The following HNRNPCL1 variants were observed in gnomAD, a reference collection of about 807,000 sequenced individuals.
HNRNPCL1 encodes the protein heterogeneous nuclear ribonucleoprotein C-like 1.
In HNRNPCL1, 15 loss-of-function variants were observed where a neutral mutation model predicts 19.0. The ratio of observed to expected loss-of-function variants is 0.79; its 90% CI spans 0.53 to 1.22. HNRNPCL1 has a LOEUF of 1.22. HNRNPCL1 is among the 50% of genes most tolerant of loss of function. HNRNPCL1 has a pLI of 0.00. For synonymous variants in HNRNPCL1, 110 were observed against 129.1 expected (o/e 0.85, Z 1.00); for missense variants, 327 against 354.7 (o/e 0.92, Z 0.63).
Position 12,847,430 on chromosome 1 carries a change from G to T in HNRNPCL1, c.860C>A (p.Thr287Asn), listed in dbSNP as rs1557621832. The T allele has an allele frequency of 6.2e-7, 1 of 1,606,686 alleles. No homozygotes were observed. Residue 287 changes from threonine to asparagine, a missense_variant, in exon 2 of 2, where the codon ACC becomes AAC. Thr to Asn is a moderately conservative substitution (Grantham distance 65). This residue lies in a region of HNRNPCL1 where 281 missense variants were observed against 254.7 expected (regional missense o/e 1.10). Transcript: ENST00000317869. ...TGCTTAAGAGTCATCCTGGCCATTG[G>T]TGCTGTCTCTGTCATCCTCTCCTTC... is the stretch of plus-strand genomic sequence containing the variant. Reference protein sequence around the residue: ...AEEGEDDRDSTNGQDDS With the variant: ...AEEGEDDRDSNNGQDDS
Position 12,847,556 on chromosome 1 carries a change from T to C in HNRNPCL1, c.734A>G (p.Glu245Gly). 1 of 1,606,680 alleles carries C rather than the reference T, an allele frequency of 6.2e-7. No individual in the cohort carries two copies. Among genetic ancestry groups the C allele is most frequent in the Non-Finnish European group, 8.5e-7 (1 of 1,176,696 alleles). The change falls in exon 2 of 2, where the codon GAA becomes GGA. Residue 245 changes from glutamate to glycine, a missense_variant. Coordinates refer to ENST00000317869, the MANE Select transcript of HNRNPCL1 (RefSeq NM_001013631.3). ...TGGGTCCCCCTCCTCAGCAGAGTCT[T>C]CTGCACCCCCCTCAGACTCCATCTT... ...HVKMESEGGA[E>G]DSAEEGDPLD...
At position 12,848,015 on chromosome 1, in the gene HNRNPCL1, C is replaced by G. The variant is rs540095399; in HGVS notation, c.275G>C (p.Arg92Pro). The change falls in exon 2 of 2, where the codon CGA (arginine) becomes CCA (proline). Residue 92 changes from arginine to proline, a missense_variant. By Grantham distance (103) the Arg-to-Pro change is moderately radical. Around this residue, in one of 2 missense-constraint regions of HNRNPCL1, gnomAD observed 281 missense variants for 254.7 expected, o/e 1.10. Transcript: ENST00000317869. ...TGATCGTTTCACACCTGCGTTTCCT[C>G]GGTTCACTTTTGGCTCCGCAGCCAG... is the stretch of plus-strand genomic sequence containing the variant. ...INLAAEPKVNRGNAGVKRSAA... is the reference protein window; with the variant it reads ...INLAAEPKVNPGNAGVKRSAA... 12 of 1,607,470 alleles carry G rather than the reference C, an allele frequency of 7.5e-6. No individual in the cohort carries two copies. The South Asian group carries it at 1.1e-4, about 15-fold the overall frequency.
In HNRNPCL1 at chr1:12,848,017, G is replaced by A. The variant is rs749478533; in HGVS notation, c.273C>T (p.Asn91=). 1 of 1,607,324 alleles carries A rather than the reference G, an allele frequency of 6.2e-7. No individual in the cohort carries two copies. The highest frequency in any genetic ancestry group is 8.5e-7 in the Non-Finnish European group (1 of 1,176,896). The change falls in exon 2 of 2, where the codon AAC becomes AAT. Residue 91 remains asparagine, a synonymous_variant. Coordinates refer to ENST00000317869, the MANE Select transcript of HNRNPCL1 (RefSeq NM_001013631.3). ...ATCGTTTCACACCTGCGTTTCCTCG[G>A]TTCACTTTTGGCTCCGCAGCCAGGT... The part of the protein sequence containing the change: ...DINLAAEPKV[N]RGNAGVKRSA...
chr1:12,848,365 C>CGAG lies in HNRNPCL1; in HGVS notation c.-77_-76insCTC. The CGAG allele has an allele frequency of 6.9e-7, 1 of 1,452,906 alleles. No homozygotes were observed. The highest frequency in any genetic ancestry group is 9.1e-7 in the Non-Finnish European group (1 of 1,094,672). 90.0% of individuals were successfully genotyped at this position (1,452,906 alleles called of 1,614,324 possible). A position where few individuals can be genotyped will look rare whatever the true frequency, so the allele number is the denominator to read the frequency against. ...GAGAAGAGATTCGATTCTAAGTCTC[C>CGAG]TACTGCCGGGTTCTACGGGGAGAAA... On this transcript the variant is annotated 5_prime_UTR_variant, in exon 2 of 2. Coordinates refer to ENST00000317869, the MANE Select transcript of HNRNPCL1 (RefSeq NM_001013631.3).
At position 12,847,473 on chromosome 1, in the gene HNRNPCL1, C is replaced by T. The variant is rs2359491; in HGVS notation, c.817G>A (p.Asp273Asn). 5.7e-4 allele frequency: 922 copies of T among 1,606,784 alleles called. 46 individuals are homozygous for T. The South Asian group carries it at 9.4e-3, about 16-fold the overall frequency. The stretch of plus-strand genomic sequence containing the variant: ...TCTCCTTCCTCAGCCTCTTTTTCAT[C>T]ATCCTTGATCAACTCCAGCTGGTCA... ...GDDQLELIKD[D>N]EKEAEEGEDD... Residue 273 changes from aspartate to asparagine, a missense_variant, in exon 2 of 2, where the codon GAT becomes AAT. Asp to Asn is a conservative substitution (Grantham distance 23). Around this residue, in one of 2 missense-constraint regions of HNRNPCL1, gnomAD observed 281 missense variants for 254.7 expected, o/e 1.10. Coordinates refer to ENST00000317869, the MANE Select transcript of HNRNPCL1 (RefSeq NM_001013631.3).
Position 12,847,841 on chromosome 1 carries a change from C to A in HNRNPCL1, c.449G>T (p.Gly150Val). The part of the protein sequence containing the change: ...VVPSKRQRLS[G>V]NTSRRGKSGF... ...ACTTTTGCCCCTTCGTGAGGTGTTT[C>A]CTGATAGACGTTGACGTTTCGAGGG... Residue 150 changes from glycine to valine, a missense_variant, in exon 2 of 2, where the codon GGA becomes GTA. By Grantham distance (109) the Gly-to-Val change is moderately radical (BLOSUM62 -3). This residue lies in a region of HNRNPCL1 where 281 missense variants were observed against 254.7 expected (regional missense o/e 1.10). Transcript: ENST00000317869. The A allele has an allele frequency of 6.2e-7, 1 of 1,606,620 alleles. No homozygotes were observed. The highest frequency in any genetic ancestry group is 8.5e-7 in the Non-Finnish European group (1 of 1,176,564).
At position 12,848,233 on chromosome 1, in the gene HNRNPCL1, G is replaced by A. The variant is rs551899953; in HGVS notation, c.57C>T (p.Phe19=). 14 of 1,546,066 alleles carry A rather than the reference G, an allele frequency of 9.1e-6. No individual in the cohort carries two copies. The East Asian group carries it at 3.2e-4, about 36-fold the overall frequency. The change falls in exon 2 of 2, where the codon TTC becomes TTT. Residue 19 remains phenylalanine (F), a synonymous_variant. Transcript: ENST00000317869. ...MDPHSMNSRV[F]IGNLNTLVVK... ...CAACAAGAGTGTTGAGATTCCCAAT[G>A]AACACACGGGAGTTCATGGAGTGAG...
rs533112131 is a variant in HNRNPCL1, at chr1:12,847,475, T to C, written c.815A>G (p.Asp272Gly). The stretch of plus-strand genomic sequence containing the variant: ...TCCTTCCTCAGCCTCTTTTTCATCA[T>C]CCTTGATCAACTCCAGCTGGTCATC... Reference protein sequence around the residue: ...QGDDQLELIKDDEKEAEEGED... With the variant: ...QGDDQLELIKGDEKEAEEGED... Residue 272 changes from aspartate to glycine, a missense_variant, in exon 2 of 2, where the codon GAT (aspartate) becomes GGT (glycine). Transcript: ENST00000317869. The C allele has an allele frequency of 1.1e-5, 18 of 1,606,718 alleles. 1 individual carries two copies. Among genetic ancestry groups the C allele is most frequent in the African/African-American group, 1.3e-5 (1 of 74,228 alleles).
chr1:12,847,862 G>T lies in HNRNPCL1; in HGVS notation c.428C>A (p.Ser143Ter), dbSNP rs189811978. 1.2e-6 allele frequency: 2 copies of T among 1,606,394 alleles called. No individual in the cohort carries two copies. The highest frequency in any genetic ancestry group is 2.7e-5 in the African/African-American group (2 of 74,294). The change falls in exon 2 of 2, where the codon TCG becomes TAG. Residue 143 changes from serine (S) to a stop codon, truncating the protein, a stop_gained. Transcript: ENST00000317869. LOFTEE classifies it high-confidence loss of function. Reference sequence around the variant, plus strand: ...GTTTCCTGATAGACGTTGACGTTTCGAGGGCACTACAGCCAGAGCAATGGG... The same window carrying T: ...GTTTCCTGATAGACGTTGACGTTTCTAGGGCACTACAGCCAGAGCAATGGG... ...PPPIALAVVP[S>*]KRQRLSGNTS...
In HNRNPCL1 at chr1:12,847,440, T is replaced by C; in HGVS notation, c.850A>G (p.Arg284Gly). The change falls in exon 2 of 2, where the codon AGA (arginine) becomes GGA (glycine). Residue 284 changes from arginine (R) to glycine (G), a missense_variant. Physicochemically the swap from Arg to Gly is moderately radical, Grantham distance 125. This residue lies in a region of HNRNPCL1 where 281 missense variants were observed against 254.7 expected (regional missense o/e 1.10). Coordinates refer to ENST00000317869, the MANE Select transcript of HNRNPCL1 (RefSeq NM_001013631.3). ...TCATCCTGGCCATTGGTGCTGTCTC[T>C]GTCATCCTCTCCTTCCTCAGCCTCT... The part of the protein sequence containing the change: ...EKEAEEGEDD[R>G]DSTNGQDDS 1 of 1,606,910 alleles carries C rather than the reference T, an allele frequency of 6.2e-7. No homozygotes were observed. The highest frequency in any genetic ancestry group is 1.1e-5 in the South Asian group (1 of 90,482).
In HNRNPCL1 at chr1:12,847,866, G is replaced by A. The variant is rs201144572; in HGVS notation, c.424C>T (p.Pro142Ser). ...PPPPIALAVV[P>S]SKRQRLSGNT... ...CCTGATAGACGTTGACGTTTCGAGG[G>A]CACTACAGCCAGAGCAATGGGAGGA... The change falls in exon 2 of 2, where the codon CCC (proline) becomes TCC (serine). Residue 142 changes from proline (P) to serine (S), a missense_variant. Pro to Ser is a moderately conservative substitution (Grantham distance 74). Transcript: ENST00000317869. The A allele has an allele frequency of 5.8e-4, 925 of 1,606,490 alleles. 46 individuals are homozygous for A. The South Asian group carries it at 9.4e-3, about 16-fold the overall frequency.
At chr1:12,848,554 T>G (rs1271154744) in intron 1 of HNRNPCL1, 84 bp from the exon 2 acceptor site, 1 of 725,214 alleles carries the variant, frequency 1.4e-6, no homozygotes, top group East Asian at 2.9e-5. Context: ...AGCTTCAAAG[T>G]GTTCATATGA....
In HNRNPCL1 at chr1:12,847,519, A is replaced by G. The variant is rs768590648; in HGVS notation, c.771T>C (p.Asp257=). ...SAEEGDPLDD[D]VNEDQGDDQL... Reference sequence around the variant, plus strand: ...GGTCATCCCCCTGATCTTCATTAACATCATCATCCAGTGGGTCCCCCTCCT... The same window carrying G: ...GGTCATCCCCCTGATCTTCATTAACGTCATCATCCAGTGGGTCCCCCTCCT... The change falls in exon 2 of 2, where the codon GAT becomes GAC. Residue 257 remains aspartate (D), a synonymous_variant. Coordinates refer to ENST00000317869, the MANE Select transcript of HNRNPCL1 (RefSeq NM_001013631.3). The G allele has an allele frequency of 4.4e-6, 7 of 1,606,390 alleles. 1 individual carries two copies. Among genetic ancestry groups the G allele is most frequent in the African/African-American group, 4.0e-5 (3 of 74,142 alleles).
Position 12,847,580 on chromosome 1 carries a change from T to G in HNRNPCL1, c.710A>C (p.Lys237Thr). 1.9e-6 allele frequency: 3 copies of G among 1,606,764 alleles called. No individual in the cohort carries two copies. The highest frequency in any genetic ancestry group is 2.5e-6 in the Non-Finnish European group (3 of 1,176,638). ...SSMKKDETHV[K>T]MESEGGAEDS... ...TTCTGCACCCCCCTCAGACTCCATC[T>G]TCACATGAGTCTCATCTTTCTTCAT... is the stretch of plus-strand genomic sequence containing the variant. Residue 237 changes from lysine to threonine, a missense_variant, in exon 2 of 2, where the codon AAG becomes ACG. By Grantham distance (78) the Lys-to-Thr change is moderately conservative. This residue lies in a region of HNRNPCL1 where 281 missense variants were observed against 254.7 expected (regional missense o/e 1.10). Transcript: ENST00000317869.
Position 12,847,567 on chromosome 1 carries a change from C to G in HNRNPCL1, c.723G>C (p.Glu241Asp), listed in dbSNP as rs752338848. 7 of 1,606,700 alleles carry G rather than the reference C, an allele frequency of 4.4e-6. 2 individuals are homozygous for G. The Admixed American group carries it at 8.6e-5, about 20-fold the overall frequency. Residue 241 changes from glutamate (E) to aspartate (D), a missense_variant, in exon 2 of 2, where the codon GAG becomes GAC. Transcript: ENST00000317869. ...CCTCAGCAGAGTCTTCTGCACCCCC[C>G]TCAGACTCCATCTTCACATGAGTCT... Reference protein sequence around the residue: ...KDETHVKMESEGGAEDSAEEG... With the variant: ...KDETHVKMESDGGAEDSAEEG...
chr1:12,848,082 C>T lies in HNRNPCL1; in HGVS notation c.208G>A (p.Glu70Lys), dbSNP rs1465617246. The change falls in exon 2 of 2, where the codon GAG (glutamate) becomes AAG (lysine). Residue 70 changes from glutamate to lysine, a missense_variant. Glu to Lys is a moderately conservative substitution (Grantham distance 56). Transcript: ENST00000317869. ...TGGCTAGCAATCATTCTGCCATCCTCTCCTGCTACAGCAGCCCGGGCATTT... is the reference window on the plus strand; with the variant it reads ...TGGCTAGCAATCATTCTGCCATCCTTTCCTGCTACAGCAGCCCGGGCATTT... ...EKNARAAVAG[E>K]DGRMIASQVV... 6.2e-7 allele frequency: 1 copy of T among 1,606,084 alleles called. No individual in the cohort carries two copies. Among genetic ancestry groups the T allele is most frequent in the African/African-American group, 1.3e-5 (1 of 74,124 alleles).
At position 12,847,509 on chromosome 1, in the gene HNRNPCL1, C is replaced by G. The variant is rs996752754; in HGVS notation, c.781G>C (p.Asp261His). The change falls in exon 2 of 2, where the codon GAT becomes CAT. Residue 261 changes from aspartate (D) to histidine (H), a missense_variant. Asp to His is a moderately conservative substitution (Grantham distance 81). This residue lies in a region of HNRNPCL1 where 281 missense variants were observed against 254.7 expected (regional missense o/e 1.10). Transcript: ENST00000317869. ...AACTCCAGCTGGTCATCCCCCTGAT[C>G]TTCATTAACATCATCATCCAGTGGG... ...GDPLDDDVNE[D>H]QGDDQLELIK... 6.2e-7 allele frequency: 1 copy of G among 1,606,594 alleles called. No homozygotes were observed. The highest frequency in any genetic ancestry group is 1.3e-5 in the African/African-American group (1 of 74,230).
Position 12,847,760 on chromosome 1 carries a change from C to T in HNRNPCL1, c.530G>A (p.Gly177Asp), listed in dbSNP as rs1427884769. The change falls in exon 2 of 2, where the codon GGT becomes GAT. Residue 177 changes from glycine to aspartate, a missense_variant. Physicochemically the swap from Gly to Asp is moderately conservative, Grantham distance 94 (BLOSUM62 -1). Around this residue, in one of 2 missense-constraint regions of HNRNPCL1, gnomAD observed 281 missense variants for 254.7 expected, o/e 1.10. Coordinates refer to ENST00000317869, the MANE Select transcript of HNRNPCL1 (RefSeq NM_001013631.3). ...RGSSKSGKLKGDDLQAIKQEL... is the reference protein window; with the variant it reads ...RGSSKSGKLKDDDLQAIKQEL... ...CTGCTTAATGGCCTGAAGGTCATCACCTTTCAACTTTCCAGACTTGGAAGA... is the reference window on the plus strand; with the variant it reads ...CTGCTTAATGGCCTGAAGGTCATCATCTTTCAACTTTCCAGACTTGGAAGA... The T allele has an allele frequency of 2.5e-6, 4 of 1,606,872 alleles. No individual in the cohort carries two copies. In the South Asian group the frequency reaches 3.3e-5, roughly 13 times the overall value.
Position 12,847,833 on chromosome 1 carries a change from A to C in HNRNPCL1, c.457T>G (p.Ser153Ala). 6.2e-7 allele frequency: 1 copy of C among 1,606,498 alleles called. No homozygotes were observed. Among genetic ancestry groups the C allele is most frequent in the South Asian group, 1.1e-5 (1 of 90,452 alleles). ...TTGAAGCCACTTTTGCCCCTTCGTG[A>C]GGTGTTTCCTGATAGACGTTGACGT... ...SKRQRLSGNT[S>A]RRGKSGFNSK... The change falls in exon 2 of 2, where the codon TCA (serine) becomes GCA (alanine). Residue 153 changes from serine to alanine, a missense_variant. Transcript: ENST00000317869.
Sources: allele counts gnomAD v4.1 joint callset, GRCh38; gene constraint gnomAD v4.1.1; regional missense constraint gnomAD v4.1.1; transcripts MANE v1.5; gene names NCBI Gene and HGNC (gene_info 2026-07-23, HGNC 2026-07-21).